The following MS4A6E variants were observed in gnomAD, a reference collection of about 807,000 sequenced individuals.
The protein encoded by MS4A6E is membrane-spanning 4-domains subfamily A member 6E.
MS4A6E carries 8 observed loss-of-function variants against 13.2 expected under a neutral mutation model. The ratio of observed to expected loss-of-function variants is 0.60; its 90% CI spans 0.35 to 1.09. The LOEUF (loss-of-function observed/expected upper bound fraction) is 1.09, where lower values mean the gene tolerates loss of function less well. Ranked by LOEUF, MS4A6E falls within the 50% of genes least tolerant of loss-of-function variation. The pLI, the probability that MS4A6E is intolerant of heterozygous loss-of-function variation, is 0.02. For synonymous variants in MS4A6E, 72 were observed against 67.6 expected, an observed-to-expected ratio of 1.06 and a Z score of -0.32; for missense variants, 177 against 171.1, an observed-to-expected ratio of 1.03 and a Z score of -0.19.
downstream of MS4A6E, among the ~76,000 whole-genome samples, chr11:60,345,276 G>A (rs918780769): frequency 6.6e-6 from 1 of 152,174 alleles, no homozygotes; most frequent in Admixed American, 6.5e-5. Flanking sequence ...GTAAGAAAGT[G>A]TCTTTCCTTC....
intron 2 of MS4A6E, among the ~76,000 whole-genome samples, chr11:60,337,341 G>A (rs1188719317): frequency 6.6e-6 from 1 of 152,140 alleles, no homozygotes; most frequent in Non-Finnish European, 1.5e-5. Context: ...CTGTGTGGTT[G>A]ATGCTTGCAC....
chr11:60,342,174 TGTGTGAGA>T (rs1369240765), downstream of MS4A6E, among the ~76,000 whole-genome samples: 112 of 31,758 alleles, frequency 3.5e-3, no homozygotes, highest in South Asian at 7.9e-3. Context: ...TGTGTGTGTG[TGTGTGAGA>T]GAGAGAGAGA....
At chr11:60,329,298 C>T (rs902170594) in intron 1 of MS4A6E, among the ~76,000 whole-genome samples, 1 of 152,136 alleles carries the variant, frequency 6.6e-6, no homozygotes, top group Non-Finnish European at 1.5e-5. Flanking sequence ...CCAGCTTTAT[C>T]CATGTCCCTG....
chr11:60,327,315 A>C lies in MS4A6E; in HGVS notation c.-108A>C, dbSNP rs965089176. Among the ~76,000 whole-genome samples, 3 of 152,222 alleles carry C rather than the reference A, an allele frequency of 2.0e-5. No individual in the cohort carries two copies. Among genetic ancestry groups the C allele is most frequent in the Admixed American group, 6.5e-5 (1 of 15,284 alleles). On this transcript the variant is annotated 5_prime_UTR_variant, in exon 1 of 5. Coordinates refer to ENST00000684409, the MANE Select transcript of MS4A6E (RefSeq NM_139249.4). ...ACAGTTTGTCCTATCTGGAAGATGC[A>C]GCAACAAGATACCATCTTGGAAGCA...
chr11:60,348,278 G>C (rs2085264593), intron 4 of MS4A6E, among the ~76,000 whole-genome samples: 1 of 152,184 alleles, frequency 6.6e-6, no homozygotes, highest in Admixed American at 6.5e-5. Flanking sequence ...GACTGACAAT[G>C]TGCCCAGTGA....
chr11:60,330,800 G>C (rs551328321), intron 1 of MS4A6E, among the ~76,000 whole-genome samples: 3 of 152,160 alleles, frequency 2.0e-5, no homozygotes, highest in Non-Finnish European at 2.9e-5. Flanking sequence ...TGAATAAGCT[G>C]TAAGGAAGTG....
intron 1 of MS4A6E, among the ~76,000 whole-genome samples, chr11:60,334,245 A>G (rs10792267): frequency 0.37 from 55,869 of 151,938 alleles, 10,747 homozygotes; most frequent in East Asian, 0.41. Flanking sequence ...AAGAGGTTAC[A>G]GGCTCCAGAC....
Position 60,339,978 on chromosome 11 carries a change from C to T in MS4A6E, c.*9+14C>T, listed in dbSNP as rs1271908751. 3.1e-6 allele frequency: 5 copies of T among 1,611,466 alleles called. No homozygotes were observed. Among genetic ancestry groups the T allele is most frequent in the East Asian group, 2.2e-5 (1 of 44,818 alleles). On this transcript the variant is annotated intron_variant, in intron 4 of 4. Coordinates refer to ENST00000684409, the MANE Select transcript of MS4A6E (RefSeq NM_139249.4). ...TGACTTCCCTGGGTGAGTGTGCTGG[C>T]CAGCCTCGCTTAATCTTGCCTAGTG...
intron 4 of MS4A6E, among the ~76,000 whole-genome samples, chr11:60,346,710 G>A (rs1450186544): frequency 6.6e-6 from 1 of 152,160 alleles, no homozygotes; most frequent in Non-Finnish European, 1.5e-5. Flanking sequence ...TCCAATCAGG[G>A]TTGGCAAAAA....
At chr11:60,328,029 C>CAAAAAA (rs3042505) in intron 1 of MS4A6E, among the ~76,000 whole-genome samples, 5 of 82,050 alleles carry the variant, frequency 6.1e-5, no homozygotes, top group Admixed American at 1.5e-4. Flanking sequence ...GACTCCATCT[C>CAAAAAA]AAAAAAAAAA....
At position 60,339,884 on chromosome 11, in the gene MS4A6E, C is replaced by T. The variant is rs781149738; in HGVS notation, c.373C>T (p.Leu125=). The change falls in exon 4 of 5, where the codon CTG becomes TTG. Residue 125 remains leucine (L), a synonymous_variant. Transcript: ENST00000684409. ...ASLAGTLSLM[L]VSTVLEFCLA... is the part of the protein sequence containing the mutation. ...CTTTCAGGGAACTCTGTCTCTGATGCTGGTTTCTACTGTGTTGGAGTTCTG... is the reference window on the plus strand; with the variant it reads ...CTTTCAGGGAACTCTGTCTCTGATGTTGGTTTCTACTGTGTTGGAGTTCTG... 2 of 1,613,604 alleles carry T rather than the reference C, an allele frequency of 1.2e-6. No homozygotes were observed. The highest frequency in any genetic ancestry group is 1.7e-6 in the Non-Finnish European group (2 of 1,179,706).
intron 4 of MS4A6E, among the ~76,000 whole-genome samples, chr11:60,346,811 C>A (rs923062126): frequency 3.3e-5 from 5 of 152,178 alleles, no homozygotes; most frequent in Admixed American, 1.3e-4. Flanking sequence ...CTATAAAAAA[C>A]ATGTTGTTCA....
At chr11:60,348,776 A>C (rs549450050) in intron 4 of MS4A6E, among the ~76,000 whole-genome samples, 6 of 152,278 alleles carry the variant, frequency 3.9e-5, no homozygotes, top group Non-Finnish European at 8.8e-5. Context: ...GGGATTGGCC[A>C]TGGTATCTCC....
chr11:60,343,283 T>C (rs1181845050), downstream of MS4A6E, among the ~76,000 whole-genome samples: 1 of 152,214 alleles, frequency 6.6e-6, no homozygotes, highest in Non-Finnish European at 1.5e-5. Flanking sequence ...CTTGTAATAC[T>C]AGTTTGCCTC....
In MS4A6E at chr11:60,339,905, T is replaced by C; in HGVS notation, c.394T>C (p.Phe132Leu). Residue 132 changes from phenylalanine (F) to leucine (L), a missense_variant, in exon 4 of 5, where the codon TTC becomes CTC. Physicochemically the swap from Phe to Leu is conservative, Grantham distance 22. Transcript: ENST00000684409. ...GATGCTGGTTTCTACTGTGTTGGAGTTCTGCCTAGCTGTGCTCACTGCTGT... is the reference window on the plus strand; with the variant it reads ...GATGCTGGTTTCTACTGTGTTGGAGCTCTGCCTAGCTGTGCTCACTGCTGT... Reference protein sequence around the residue: ...SLMLVSTVLEFCLAVLTAVLQ... With the variant: ...SLMLVSTVLELCLAVLTAVLQ... The C allele has an allele frequency of 6.2e-7, 1 of 1,613,938 alleles. No homozygotes were observed. The highest frequency in any genetic ancestry group is 8.5e-7 in the Non-Finnish European group (1 of 1,179,836).
At chr11:60,332,189 A>C (rs1232016900) in intron 1 of MS4A6E, among the ~76,000 whole-genome samples, 1 of 152,228 alleles carries the variant, frequency 6.6e-6, no homozygotes, top group African/African-American at 2.4e-5. Flanking sequence ...AAATATTTTC[A>C]CTGAATGGTG....
At chr11:60,346,030 T>A (rs1163774310), downstream of MS4A6E, among the ~76,000 whole-genome samples, 1 of 152,176 alleles carries the variant, frequency 6.6e-6, no homozygotes, top group Admixed American at 6.5e-5. Context: ...GCTTCTGTGC[T>A]GTTCATGACA....
At chr11:60,341,665 T>C (rs1371545117), downstream of MS4A6E, among the ~76,000 whole-genome samples, 3 of 152,202 alleles carry the variant, frequency 2.0e-5, no homozygotes, top group Non-Finnish European at 4.4e-5. Context: ...TTGAAAGATT[T>C]TGTCATATTT....
At chr11:60,330,582 G>A (rs564103228) in intron 1 of MS4A6E, among the ~76,000 whole-genome samples, 14 of 150,310 alleles carry the variant, frequency 9.3e-5, no homozygotes, top group East Asian at 2.0e-4. Context: ...CTCGTGATCC[G>A]CCCACCTCGG....
Sources: allele counts gnomAD v4.1 joint callset (sites outside exome capture counted in the v4.1 genomes callset), GRCh38; gene constraint gnomAD v4.1.1; transcripts MANE v1.5; gene names NCBI Gene and HGNC (gene_info 2026-07-23, HGNC 2026-07-21).